FERMT1: variants seen among roughly 807,000 people sequenced by gnomAD.
FERMT1 encodes FERM domain containing kindlin 1, also known as fermitin family homolog 1.
Under a neutral mutation model 85.3 loss-of-function variants are expected in FERMT1, and 60 were observed. The ratio of observed to expected loss-of-function variants is 0.70; its 90% CI spans 0.57 to 0.87. The LOEUF is 0.87. Among genes scored for constraint, FERMT1 ranks in the 40% least tolerant of loss-of-function variants. FERMT1 has a pLI of 0.00. For synonymous variants in FERMT1, 275 were observed against 301.1 expected, an observed-to-expected ratio of 0.91 and a Z score of 0.90; for missense variants, 701 against 818.9, an observed-to-expected ratio of 0.86 and a Z score of 1.76.
At chr20:6,112,048 G>T (rs1364192170) in intron 4 of FERMT1, among the ~76,000 whole-genome samples, 2 of 151,682 alleles carry the variant, frequency 1.3e-5, no homozygotes, top group Non-Finnish European at 2.9e-5. Flanking sequence ...TTTATTTTTT[G>T]TATTTTTAAT....
In FERMT1 at chr20:6,117,524, C is replaced by T. The variant is rs533080868; in HGVS notation, c.152-1480G>A. Among the ~76,000 whole-genome samples the T allele has an allele frequency of 1.7e-4, 26 of 152,164 alleles. No homozygotes were observed. The South Asian group carries it at 3.1e-3, about 18-fold the overall frequency. ...TCTCAGCTCACTGCAACCTCTGCCTCCCGTGTTCAAGTGATTCTCCTGCCT... is the reference window on the plus strand; with the variant it reads ...TCTCAGCTCACTGCAACCTCTGCCTTCCGTGTTCAAGTGATTCTCCTGCCT... On this transcript the variant is annotated intron_variant, in intron 2 of 14. Coordinates refer to ENST00000217289, the MANE Select transcript of FERMT1 (RefSeq NM_017671.5).
At chr20:6,092,899 T>C (rs928581182) in intron 9 of FERMT1, among the ~76,000 whole-genome samples, 2 of 152,124 alleles carry the variant, frequency 1.3e-5, no homozygotes, top group African/African-American at 4.8e-5. Flanking sequence ...CCTGCCTCAT[T>C]TCCTGTAAGT....
chr20:6,108,297 A>G (rs6038357), intron 5 of FERMT1, among the ~76,000 whole-genome samples: 48,280 of 152,156 alleles, frequency 0.32, 8,160 homozygotes, highest in East Asian at 0.54. Flanking sequence ...GGTCTCAAGC[A>G]TTTTGGATAA....
At chr20:6,077,429 G>A (rs1347331342) in intron 14 of FERMT1, 83 bp from the exon 15 acceptor site, 26 of 1,281,304 alleles carry the variant, frequency 2.0e-5, no homozygotes, top group Non-Finnish European at 2.7e-5. Context: ...GGCCCCTGGA[G>A]CTGAGGGCTG....
chr20:6,099,728 G>C (rs531159053), intron 6 of FERMT1, among the ~76,000 whole-genome samples: 9 of 151,726 alleles, frequency 5.9e-5, no homozygotes, highest in Admixed American at 3.3e-4. Flanking sequence ...TAAAAAAGTG[G>C]CTCTTGTCAC....
chr20:6,081,498 G>A (rs566011264), intron 13 of FERMT1, among the ~76,000 whole-genome samples: 14 of 152,210 alleles, frequency 9.2e-5, no homozygotes, highest in African/African-American at 3.1e-4. Context: ...ACTGAGAGGC[G>A]ACCAATGGAC....
chr20:6,085,000 C>T, intron 12 of FERMT1, 66 bp downstream of exon 12: 12 of 1,484,846 alleles, frequency 8.1e-6, no homozygotes, highest in African/African-American at 1.4e-5. Context: ...GCCGGAAATC[C>T]TCCTTTTATT....
intron 9 of FERMT1, among the ~76,000 whole-genome samples, chr20:6,092,326 T>A (rs1026971703): frequency 1.3e-5 from 2 of 152,148 alleles, no homozygotes; most frequent in Admixed American, 1.3e-4. Flanking sequence ...GGGAAGATCT[T>A]GAGTCCAGGA....
intron 6 of FERMT1, among the ~76,000 whole-genome samples, chr20:6,103,217 CT>C (rs1003442737): frequency 1.3e-4 from 20 of 152,146 alleles, no homozygotes; most frequent in African/African-American, 4.8e-4. Context: ...TGTTTTGCAT[CT>C]TTTAATAATG....
chr20:6,082,381 A>AGCAGAG (rs1440771096), intron 13 of FERMT1, among the ~76,000 whole-genome samples: 1 of 152,216 alleles, frequency 6.6e-6, no homozygotes, highest in East Asian at 1.9e-4. Flanking sequence ...TCACAGAGCT[A>AGCAGAG]GCAGAGGCAG....
rs796905873 is a variant in FERMT1 at position 6,102,672 on chromosome 20, G to T, written c.849+4860C>A. Among the ~76,000 whole-genome samples, 284 of 99,040 alleles carry T rather than the reference G, an allele frequency of 2.9e-3. 2 individuals carry two copies. The highest frequency in any genetic ancestry group is 0.011 in the African/African-American group (273 of 23,810). 65.0% of individuals were successfully genotyped at this position (99,040 alleles called of 152,430 possible). Reference sequence around the variant, plus strand: ...AGCCTAGGTGACAGAGTGAAACTGTGTCTCAAGAAAAAAAAAAAAAAAAAA... The same window carrying T: ...AGCCTAGGTGACAGAGTGAAACTGTTTCTCAAGAAAAAAAAAAAAAAAAAA... On this transcript the variant is annotated intron_variant, in intron 6 of 14. Transcript: ENST00000217289.
chr20:6,088,502 C>T (rs1047600770), intron 10 of FERMT1, among the ~76,000 whole-genome samples: 1 of 152,166 alleles, frequency 6.6e-6, no homozygotes, highest in Non-Finnish European at 1.5e-5. Context: ...AAGGCTCATG[C>T]TTGGAAGAGC....
Position 6,104,640 on chromosome 20 carries a change from T to A in FERMT1, c.849+2892A>T, listed in dbSNP as rs1982751279. Among the ~76,000 whole-genome samples the A allele has an allele frequency of 6.6e-6, 1 of 152,214 alleles. No homozygotes were observed. Among genetic ancestry groups the A allele is most frequent in the Non-Finnish European group, 1.5e-5 (1 of 68,030 alleles). On this transcript the variant is annotated intron_variant, in intron 6 of 14. Transcript: ENST00000217289. This position sits in a 1 kb window ranked among gnomAD's most constrained non-coding sequence, Gnocchi z 4.2. ...GCTGTTAGATTCAAATCGGTTTCAC[T>A]TTTTAGGCTATGAAGAGGGAGCTCC...
chr20:6,095,357 A>G (rs1227474283), intron 8 of FERMT1, among the ~76,000 whole-genome samples: 1 of 152,262 alleles, frequency 6.6e-6, no homozygotes, highest in Admixed American at 6.5e-5. Flanking sequence ...CAAAAATGAA[A>G]AACGAGATGA....
At chr20:6,079,815 A>G (rs1981944102) in intron 13 of FERMT1, among the ~76,000 whole-genome samples, 1 of 152,194 alleles carries the variant, frequency 6.6e-6, no homozygotes, top group Non-Finnish European at 1.5e-5. Flanking sequence ...AGAGAAGAAA[A>G]ATAAGATGGA....
chr20:6,118,481 C>T (rs1233403393), intron 2 of FERMT1, among the ~76,000 whole-genome samples: 2 of 151,898 alleles, frequency 1.3e-5, no homozygotes, highest in Non-Finnish European at 2.9e-5. Flanking sequence ...ATCCATTGAA[C>T]TGTTTATGAT....
In FERMT1 at chr20:6,077,737, G is replaced by A. The variant is rs992231722; in HGVS notation, c.1861-391C>T. On this transcript the variant is annotated intron_variant, in intron 14 of 14. Transcript: ENST00000217289. Reference sequence around the variant, plus strand: ...TCTCTGTCACCCAGGCTGGGGTACAGTGGCACGATCTCGGGCCACTGCAAC... The same window carrying A: ...TCTCTGTCACCCAGGCTGGGGTACAATGGCACGATCTCGGGCCACTGCAAC... Among the ~76,000 whole-genome samples the A allele has an allele frequency of 2.0e-5, 3 of 152,068 alleles. No individual in the cohort carries two copies. In the South Asian group the frequency reaches 6.3e-4, roughly 32 times the overall value.
intron 9 of FERMT1, among the ~76,000 whole-genome samples, chr20:6,091,353 C>T (rs1436990966): frequency 2.6e-5 from 4 of 151,688 alleles, no homozygotes; most frequent in African/African-American, 9.7e-5. Context: ...CCCCAGCCTC[C>T]CGGGTAGCTG....
At chr20:6,086,730 C>T (rs1982198142) in intron 11 of FERMT1, among the ~76,000 whole-genome samples, 1 of 152,080 alleles carries the variant, frequency 6.6e-6, no homozygotes. Context: ...TGTGGCACTT[C>T]CCCCTTCACT....
Sources: gnomAD v4.1 joint callset for allele counts (sites outside exome capture counted in the v4.1 genomes callset) on GRCh38, gnomAD v4.1.1 for gene constraint, Gnocchi (gnomAD v3.1) non-coding constraint, MANE v1.5 for transcripts, NCBI Gene and HGNC (gene_info 2026-07-23, HGNC 2026-07-21) for gene names.